The following ATP10D variants were observed in gnomAD, a reference collection of about 807,000 sequenced individuals.
The protein encoded by ATP10D is phospholipid-transporting ATPase VD.
Under a neutral mutation model 144.8 loss-of-function variants are expected in ATP10D, and 89 were observed. That is an observed-to-expected ratio of 0.61 (90% confidence interval 0.52 to 0.73). The LOEUF (loss-of-function observed/expected upper bound fraction) is 0.73. Among genes scored for constraint, ATP10D ranks in the 30% least tolerant of loss-of-function variants. The probability of loss-of-function intolerance (pLI) is 0.00; values close to 1 mark genes in which losing one functional copy is unlikely to be tolerated. For missense variants in ATP10D, 1,603 were observed against 1,714.8 expected, an observed-to-expected ratio of 0.93 and a Z score of 1.15; for synonymous variants, 571 against 615.1, an observed-to-expected ratio of 0.93 and a Z score of 1.06.
At chr4:47,564,749 T>A (rs1446566268) in intron 15 of ATP10D, among the ~76,000 whole-genome samples, 1 of 152,186 alleles carries the variant, frequency 6.6e-6, no homozygotes, top group Non-Finnish European at 1.5e-5. Flanking sequence ...TCAGAAGCCT[T>A]CCAGTATAGT....
intron 15 of ATP10D, among the ~76,000 whole-genome samples, chr4:47,567,144 T>G (rs1719681077): frequency 6.6e-6 from 1 of 152,238 alleles, no homozygotes. Context: ...TGTCACTCTA[T>G]GCATGTGACA....
At chr4:47,564,518 A>G (rs1701366397) in intron 15 of ATP10D, among the ~76,000 whole-genome samples, 1 of 152,126 alleles carries the variant, frequency 6.6e-6, no homozygotes, top group Non-Finnish European at 1.5e-5. Flanking sequence ...GGCAATTCTA[A>G]AAATAGACTC....
intron 22 of ATP10D, among the ~76,000 whole-genome samples, chr4:47,590,227 A>C (rs955489805): frequency 6.6e-6 from 1 of 152,136 alleles, no homozygotes; most frequent in Non-Finnish European, 1.5e-5. Flanking sequence ...AAAGTGTCAA[A>C]GTTGTGTCCT....
chr4:47,571,752 G>T lies in ATP10D; in HGVS notation c.3164-402G>T, dbSNP rs190051105. ...CTGATCTTTAAAAAAAGTATGAGAA[G>T]GATTTCCCAGAGGAAATGACATCTA... is the stretch of plus-strand genomic sequence containing the variant. On this transcript the variant is annotated intron_variant, in intron 16 of 22. Coordinates refer to ENST00000273859, the MANE Select transcript of ATP10D (RefSeq NM_020453.4). Among the ~76,000 whole-genome samples, 10 of 152,100 alleles carry T rather than the reference G, an allele frequency of 6.6e-5. No individual in the cohort carries two copies. The East Asian group carries it at 1.9e-3, about 29-fold the overall frequency.
intron 1 of ATP10D, among the ~76,000 whole-genome samples, chr4:47,505,822 G>A (rs1347821718): frequency 2.0e-5 from 3 of 152,070 alleles, no homozygotes; most frequent in African/African-American, 7.2e-5. Context: ...AACAAACATA[G>A]GGCATCTTGA....
intron 3 of ATP10D, among the ~76,000 whole-genome samples, chr4:47,520,948 A>G (rs1444001380): frequency 1.3e-5 from 2 of 152,094 alleles, no homozygotes; most frequent in Admixed American, 1.3e-4. Flanking sequence ...CACGTTATCA[A>G]CTTTCTCCAA....
chr4:47,508,475 C>T (rs1304876148), intron 1 of ATP10D, among the ~76,000 whole-genome samples: 5 of 152,144 alleles, frequency 3.3e-5, no homozygotes, highest in Admixed American at 1.3e-4. Flanking sequence ...GACTATTAAT[C>T]GTGTTTCATT....
intron 9 of ATP10D, among the ~76,000 whole-genome samples, chr4:47,545,957 C>T (rs1362919897): frequency 6.6e-6 from 1 of 152,004 alleles, no homozygotes; most frequent in African/African-American, 2.4e-5. Flanking sequence ...TTCTGCAGCT[C>T]TCCAGTATTT....
chr4:47,564,806 T>C (rs2109455798), intron 15 of ATP10D, among the ~76,000 whole-genome samples: 1 of 152,338 alleles, frequency 6.6e-6, no homozygotes, highest in Non-Finnish European at 1.5e-5. Flanking sequence ...CTTGAAAAAC[T>C]TCCTCCCATT....
chr4:47,519,391 G>C (rs1311861572), intron 3 of ATP10D, among the ~76,000 whole-genome samples: 1 of 152,198 alleles, frequency 6.6e-6, no homozygotes, highest in Non-Finnish European at 1.5e-5. Flanking sequence ...TGTGGATGCT[G>C]TGTCCTGGTC....
intron 5 of ATP10D, among the ~76,000 whole-genome samples, chr4:47,533,019 T>C (rs1291775962): frequency 6.6e-6 from 1 of 152,178 alleles, no homozygotes; most frequent in Non-Finnish European, 1.5e-5. Flanking sequence ...CAGGACATTT[T>C]TGGAATTTGC....
intron 18 of ATP10D, among the ~76,000 whole-genome samples, chr4:47,576,000 C>G (rs1352417564): frequency 7.2e-6 from 1 of 138,738 alleles, no homozygotes; most frequent in Non-Finnish European, 1.5e-5. Flanking sequence ...GGCGCGATCT[C>G]GGCTCACTGC....
Position 47,529,944 on chromosome 4 carries a change from T to C in ATP10D, c.776+4302T>C, listed in dbSNP as rs149097796. 7.7e-3 allele frequency among the ~76,000 whole-genome samples: 1,178 copies of C among 152,244 alleles called. 18 individuals carry two copies. The highest frequency in any genetic ancestry group is 0.026 in the African/African-American group (1,097 of 41,552). Reference sequence around the variant, plus strand: ...ATTGAGTTCTTTATTTGGTTCTCAGTTAGAATGTTATTGGTATATAGAAAT... The same window carrying C: ...ATTGAGTTCTTTATTTGGTTCTCAGCTAGAATGTTATTGGTATATAGAAAT... On this transcript the variant is annotated intron_variant, in intron 5 of 22. Transcript: ENST00000273859.
intron 22 of ATP10D, among the ~76,000 whole-genome samples, chr4:47,590,274 A>G (rs530983782): frequency 6.6e-6 from 1 of 152,262 alleles, no homozygotes; most frequent in African/African-American, 2.4e-5. Flanking sequence ...GAGGAAAGAG[A>G]CTGAAGGGAA....
At chr4:47,553,578 AT>A in intron 10 of ATP10D, among the ~76,000 whole-genome samples, 1 of 152,190 alleles carries the variant, frequency 6.6e-6, no homozygotes, top group African/African-American at 2.4e-5. Flanking sequence ...TCATTATCTC[AT>A]TTACTTTATA....
intron 10 of ATP10D, among the ~76,000 whole-genome samples, chr4:47,548,950 G>A (rs1173141372): frequency 6.6e-6 from 1 of 152,158 alleles, no homozygotes; most frequent in East Asian, 1.9e-4. Context: ...CAGCTTGAGG[G>A]CATTCTGAGA....
chr4:47,511,413 G>A (rs1716320413), intron 1 of ATP10D, among the ~76,000 whole-genome samples: 1 of 152,098 alleles, frequency 6.6e-6, no homozygotes, highest in African/African-American at 2.4e-5. Context: ...CTCAGAGGCT[G>A]TTGTTCTTCC....
chr4:47,542,624 C>T (rs547867173), intron 9 of ATP10D, among the ~76,000 whole-genome samples: 27 of 151,954 alleles, frequency 1.8e-4, no homozygotes, highest in South Asian at 1.2e-3. Context: ...ATTACAGGTG[C>T]CCGCCACCAC....
chr4:47,578,550 T>G (rs897760362), intron 19 of ATP10D: 59 of 152,258 alleles, frequency 3.9e-4, no homozygotes, highest in African/African-American at 1.4e-3. Flanking sequence ...TGTGGGAAAT[T>G]GTATTTCTTT....
Sources: gnomAD v4.1 joint callset for allele counts (sites outside exome capture counted in the v4.1 genomes callset) on GRCh38, gnomAD v4.1.1 for gene constraint, MANE v1.5 for transcripts, NCBI Gene and HGNC (gene_info 2026-07-23, HGNC 2026-07-21) for gene names.